LEPR: variants seen among roughly 807,000 people sequenced by gnomAD.
The protein encoded by LEPR is leptin receptor.
In LEPR, 56 loss-of-function variants were observed where a neutral mutation model predicts 114.7. That is an observed-to-expected ratio of 0.49 (90% CI 0.39 to 0.61). The LOEUF is 0.61. Ranked by LOEUF, LEPR falls within the 20% of genes least tolerant of loss-of-function variation. The pLI is 0.00. For synonymous variants in LEPR, 443 were observed against 461.4 expected (o/e 0.96, Z 0.51); for missense variants, 1,202 against 1,352.9 (o/e 0.89, Z 1.75).
At chr1:65,523,336 G>A (rs988965465) in intron 2 of LEPR, among the ~76,000 whole-genome samples, 7 of 151,978 alleles carry the variant, frequency 4.6e-5, no homozygotes, top group Non-Finnish European at 8.8e-5. Context: ...TTTTTGAGAC[G>A]GAGTCTCACT....
At chr1:65,601,760 G>T in intron 9 of LEPR, 78 bp downstream of exon 9, 1 of 1,596,282 alleles carries the variant, frequency 6.3e-7, no homozygotes, top group Middle Eastern at 1.8e-4. Flanking sequence ...TTAGAGTCCT[G>T]TTAAAGATGT....
At chr1:65,481,670 T>C (rs979659030) in intron 2 of LEPR, among the ~76,000 whole-genome samples, 2 of 152,178 alleles carry the variant, frequency 1.3e-5, no homozygotes, top group Admixed American at 6.5e-5. Context: ...CCAGACTTTA[T>C]ATTATTTAAA....
At chr1:65,537,860 G>A (rs1000469547) in intron 2 of LEPR, among the ~76,000 whole-genome samples, 8 of 152,132 alleles carry the variant, frequency 5.3e-5, no homozygotes, top group Non-Finnish European at 2.9e-5. Flanking sequence ...TGTAAATGTT[G>A]TTTACTGCAG....
intron 2 of LEPR, among the ~76,000 whole-genome samples, chr1:65,454,629 G>A (rs1188975880): frequency 6.6e-6 from 1 of 152,172 alleles, no homozygotes; most frequent in Non-Finnish European, 1.5e-5. Flanking sequence ...CTTCTGGCTT[G>A]TAGGGTTTCT....
At position 65,491,603 on chromosome 1, in the gene LEPR, T is replaced by C. The variant is rs1333344098; in HGVS notation, c.-21+66225T>C. Among the ~76,000 whole-genome samples, 3 of 152,128 alleles carry C rather than the reference T, an allele frequency of 2.0e-5. No homozygotes were observed. In the South Asian group the frequency reaches 6.2e-4, roughly 31 times the overall value. On this transcript the variant is annotated intron_variant, in intron 2 of 19. Transcript: ENST00000349533. ...TTTTAAGGGAAAGCGCTTTCTCCTCTGATTTTCTGCCTAGGGGAACCTCAA... is the reference window on the plus strand; with the variant it reads ...TTTTAAGGGAAAGCGCTTTCTCCTCCGATTTTCTGCCTAGGGGAACCTCAA...
At chr1:65,530,526 G>T (rs1240152636) in intron 2 of LEPR, among the ~76,000 whole-genome samples, 3 of 152,148 alleles carry the variant, frequency 2.0e-5, no homozygotes, top group African/African-American at 7.2e-5. Flanking sequence ...TGCTGAACAC[G>T]GGGTGGATTA....
rs555679158 is a variant in LEPR, at chr1:65,514,030, C to A, written c.-20-51516C>A. On this transcript the variant is annotated intron_variant, in intron 2 of 19. Coordinates refer to ENST00000349533, the MANE Select transcript of LEPR (RefSeq NM_002303.6). ...GTACTGAAAAAATGTAAAAAAAATT[C>A]CTTGGGGAAGTCATATTTTAGTCCA... Among the ~76,000 whole-genome samples, 16 of 152,196 alleles carry A rather than the reference C, an allele frequency of 1.1e-4. No individual in the cohort carries two copies. The South Asian group carries it at 1.7e-3, about 16-fold the overall frequency.
At chr1:65,594,571 A>C (rs762940037) in intron 6 of LEPR, among the ~76,000 whole-genome samples, 1 of 152,102 alleles carries the variant, frequency 6.6e-6, no homozygotes. Flanking sequence ...AACTCAGGGA[A>C]GATTAGGTGT....
In LEPR at chr1:65,432,703, C is replaced by T. The variant is rs559050637; in HGVS notation, c.-21+7325C>T. 1.0e-5 allele frequency: 9 copies of T among 898,444 alleles called. No individual in the cohort carries two copies. The East Asian group carries it at 3.6e-4, about 35-fold the overall frequency. 55.7% of individuals were successfully genotyped at this position (898,444 alleles called of 1,614,324 possible). ...GAGACAGTCAAAGGGTACAAAGCCT[C>T]AGTTAGGAGGAATAAGTGTGATTTT... On this transcript the variant is annotated intron_variant, in intron 2 of 19. Coordinates refer to ENST00000349533, the MANE Select transcript of LEPR (RefSeq NM_002303.6).
At chr1:65,510,580 C>T (rs1648978713) in intron 2 of LEPR, among the ~76,000 whole-genome samples, 1 of 152,128 alleles carries the variant, frequency 6.6e-6, no homozygotes, top group Admixed American at 6.6e-5. Context: ...TTTATTTACC[C>T]CATAACCCTC....
chr1:65,582,869 G>A (rs755439955), intron 5 of LEPR, among the ~76,000 whole-genome samples: 5 of 152,110 alleles, frequency 3.3e-5, no homozygotes, highest in African/African-American at 9.7e-5. Context: ...ACACATTTCT[G>A]TCAAGTAACC....
At chr1:65,533,319 C>T (rs952796334) in intron 2 of LEPR, among the ~76,000 whole-genome samples, 2 of 152,032 alleles carry the variant, frequency 1.3e-5, no homozygotes, top group Non-Finnish European at 2.9e-5. Context: ...CTATTAAATT[C>T]CTAACAATTT....
chr1:65,472,613 TAGAC>T (rs1046480658), intron 2 of LEPR, among the ~76,000 whole-genome samples: 70 of 93,560 alleles, frequency 7.5e-4, no homozygotes, highest in Non-Finnish European at 1.2e-3. Context: ...TGTATATATA[TAGAC>T]ACACACACAC....
chr1:65,552,891 G>C (rs1168424710), intron 2 of LEPR, among the ~76,000 whole-genome samples: 4 of 152,162 alleles, frequency 2.6e-5, no homozygotes, highest in African/African-American at 4.8e-5. Context: ...TCCTTCAGGA[G>C]CTCTTTTAAG....
chr1:65,585,768 A>G (rs765991800), intron 5 of LEPR, among the ~76,000 whole-genome samples: 17 of 152,000 alleles, frequency 1.1e-4, no homozygotes, highest in Non-Finnish European at 2.5e-4. Context: ...ATCTCCTGTT[A>G]CTTTTAAAAT....
At chr1:65,431,847 C>A in intron 2 of LEPR, 2 of 1,614,010 alleles carry the variant, frequency 1.2e-6, no homozygotes, top group South Asian at 1.1e-5. Context: ...GCAATGCAGT[C>A]ATTTTCCTTA....
chr1:65,468,295 C>T (rs114309300), intron 2 of LEPR, among the ~76,000 whole-genome samples: 3,299 of 152,242 alleles, frequency 0.022, 142 homozygotes, highest in African/African-American at 0.076. Flanking sequence ...TTAGGAAACT[C>T]TGAACAACTA....
At chr1:65,615,942 T>C (rs1657498778) in intron 14 of LEPR, 66 bp from the exon 15 acceptor site, 8 of 1,596,518 alleles carry the variant, frequency 5.0e-6, no homozygotes, top group South Asian at 4.4e-5. Flanking sequence ...ATGAGAGTTA[T>C]GTGAGCTCAG....
intron 15 of LEPR, 88 bp from the exon 16 acceptor site, chr1:65,617,876 C>T: frequency 2.3e-6 from 3 of 1,301,732 alleles, no homozygotes; most frequent in Non-Finnish European, 2.1e-6. Flanking sequence ...TTCCTTATTC[C>T]CTTTAGTAGG....
Sources: gnomAD v4.1 joint callset for allele counts (sites outside exome capture counted in the v4.1 genomes callset) on GRCh38, gnomAD v4.1.1 for gene constraint, MANE v1.5 for transcripts, NCBI Gene and HGNC (gene_info 2026-07-23, HGNC 2026-07-21) for gene names.